Variants in KIAA0825 observed in about 807,000 individuals in gnomAD.
The protein encoded by KIAA0825 is KIAA0825.
KIAA0825 carries 119 observed loss-of-function variants against 147.6 expected under a neutral mutation model. The ratio of observed to expected loss-of-function variants is 0.81; its 90% CI spans 0.69 to 0.94. The LOEUF (loss-of-function observed/expected upper bound fraction) is 0.94, where lower values mean the gene tolerates loss of function less well. KIAA0825 is among the 40% of genes least tolerant of loss of function. The probability of loss-of-function intolerance (pLI) is 0.00; values close to 1 mark genes in which losing one functional copy is unlikely to be tolerated. For synonymous variants in KIAA0825, 470 were observed against 518.1 expected (o/e 0.91, Z 1.26); for missense variants, 1,381 against 1,472.7 (o/e 0.94, Z 1.02).
Position 94,242,283 on chromosome 5 carries a change from G to A in KIAA0825, c.3711-88159C>T, listed in dbSNP as rs895856378. 2.6e-5 allele frequency among the ~76,000 whole-genome samples: 4 copies of A among 152,122 alleles called. No individual in the cohort carries two copies. In the East Asian group the frequency reaches 7.7e-4, roughly 29 times the overall value. On this transcript the variant is annotated intron_variant, in intron 20 of 20. Transcript: ENST00000682413. ...TCCCAATTAGTTACTAAATCCTGCA[G>A]TCTGCCTCTATAATATCTCTTCTGT... is the stretch of plus-strand genomic sequence containing the variant.
chr5:94,401,191 T>A (rs1408888032), intron 16 of KIAA0825, among the ~76,000 whole-genome samples: 4 of 152,122 alleles, frequency 2.6e-5, no homozygotes, highest in Admixed American at 2.6e-4. Flanking sequence ...AGGAGGGATT[T>A]ACATCAACAA....
chr5:94,549,786 CA>C (rs1775160484), intron 2 of KIAA0825, among the ~76,000 whole-genome samples: 1 of 152,008 alleles, frequency 6.6e-6, no homozygotes, highest in African/African-American at 2.4e-5. Flanking sequence ...GAGGGAAATT[CA>C]TAGCTTTAAG....
At chr5:94,252,524 A>G (rs1425594155) in intron 20 of KIAA0825, among the ~76,000 whole-genome samples, 1 of 151,956 alleles carries the variant, frequency 6.6e-6, no homozygotes. Context: ...TCACAAAATT[A>G]AAAGGAAATT....
At chr5:94,204,157 A>T (rs1311225908) in intron 20 of KIAA0825, among the ~76,000 whole-genome samples, 1 of 152,170 alleles carries the variant, frequency 6.6e-6, no homozygotes, top group African/African-American at 2.4e-5. Context: ...AATGGGAGTT[A>T]TTCAAATAGA....
intron 20 of KIAA0825, among the ~76,000 whole-genome samples, chr5:94,343,701 CAAAAA>C (rs900132511): frequency 1.3e-4 from 19 of 151,804 alleles, no homozygotes; most frequent in African/African-American, 4.6e-4. Context: ...AAAACAAAAA[CAAAAA>C]AAGAAAGTGA....
intron 20 of KIAA0825, among the ~76,000 whole-genome samples, chr5:94,363,943 A>G (rs1745436051): frequency 6.6e-6 from 1 of 152,106 alleles, no homozygotes; most frequent in African/African-American, 2.4e-5. Context: ...AGAAAGTTCT[A>G]TAAGCAAAAG....
At chr5:94,209,478 C>T (rs1424268244) in intron 20 of KIAA0825, among the ~76,000 whole-genome samples, 1 of 152,096 alleles carries the variant, frequency 6.6e-6, no homozygotes, top group Non-Finnish European at 1.5e-5. Context: ...AAATAAGAGA[C>T]GAACTATGCT....
chr5:94,159,148 G>A (rs771054348), intron 20 of KIAA0825, among the ~76,000 whole-genome samples: 20 of 152,136 alleles, frequency 1.3e-4, no homozygotes, highest in African/African-American at 4.1e-4. Context: ...TCCTGTCCTC[G>A]TGCTGAGGCA....
At chr5:94,437,896 T>C (rs1347707426) in intron 14 of KIAA0825, among the ~76,000 whole-genome samples, 1 of 152,216 alleles carries the variant, frequency 6.6e-6, no homozygotes, top group Non-Finnish European at 1.5e-5. Flanking sequence ...CCATGTTTTA[T>C]ATTCTAATTG....
At chr5:94,327,004 C>T (rs1384119039) in intron 20 of KIAA0825, among the ~76,000 whole-genome samples, 1 of 152,144 alleles carries the variant, frequency 6.6e-6, no homozygotes, top group Non-Finnish European at 1.5e-5. Flanking sequence ...TGTTCCCACA[C>T]ATTTAAAACT....
chr5:94,285,152 T>G (rs763686272), intron 20 of KIAA0825, among the ~76,000 whole-genome samples: 2 of 152,070 alleles, frequency 1.3e-5, no homozygotes, highest in Admixed American at 6.6e-5. Flanking sequence ...TCAGCTGGAG[T>G]ACTGAATTAA....
intron 20 of KIAA0825, among the ~76,000 whole-genome samples, chr5:94,210,035 T>G (rs980930471): frequency 6.6e-6 from 1 of 152,212 alleles, no homozygotes; most frequent in African/African-American, 2.4e-5. Context: ...AATAAATTAT[T>G]GCCATTCTCA....
intron 1 of KIAA0825, chr5:94,593,310 T>C (rs772186880): frequency 5.5e-5 from 44 of 796,344 alleles, no homozygotes; most frequent in Non-Finnish European, 8.9e-5. Context: ...ATATTGTCCA[T>C]AGGAACTTGG....
chr5:94,553,096 T>C (rs1775841964), intron 2 of KIAA0825, among the ~76,000 whole-genome samples: 1 of 152,238 alleles, frequency 6.6e-6, no homozygotes, highest in African/African-American at 2.4e-5. Context: ...CTATATGTTG[T>C]ATTTACTGAA....
intron 20 of KIAA0825, among the ~76,000 whole-genome samples, chr5:94,240,923 C>T (rs1172933804): frequency 6.6e-6 from 1 of 152,108 alleles, no homozygotes. Flanking sequence ...ACAGGAAAGG[C>T]AGATACATTC....
chr5:94,413,490 TA>T, intron 15 of KIAA0825: 1 of 152,244 alleles, frequency 6.6e-6, no homozygotes, highest in Admixed American at 6.5e-5. Context: ...AAGCATAATA[TA>T]AAATTATCAA....
At chr5:94,274,927 G>A (rs765479940) in intron 20 of KIAA0825, among the ~76,000 whole-genome samples, 6 of 152,058 alleles carry the variant, frequency 3.9e-5, no homozygotes, top group Non-Finnish European at 8.8e-5. Flanking sequence ...ACAGAGGGGT[G>A]GAATACACTG....
At chr5:94,288,989 C>G (rs191558536) in intron 20 of KIAA0825, among the ~76,000 whole-genome samples, 9 of 152,286 alleles carry the variant, frequency 5.9e-5, no homozygotes, top group African/African-American at 1.4e-4. Context: ...GATCAACCCC[C>G]CTTTCTTGAC....
chr5:94,547,260 TAAAG>T (rs895435722), intron 2 of KIAA0825, among the ~76,000 whole-genome samples: 4 of 151,800 alleles, frequency 2.6e-5, no homozygotes, highest in African/African-American at 9.7e-5. Context: ...TTATTGGCCT[TAAAG>T]AGAGAAAGAA....
Sources: allele counts gnomAD v4.1 joint callset (sites outside exome capture counted in the v4.1 genomes callset), GRCh38; gene constraint gnomAD v4.1.1; transcripts MANE v1.5; gene names NCBI Gene and HGNC (gene_info 2026-07-23, HGNC 2026-07-21).